TCP1: variants seen among roughly 807,000 people sequenced by gnomAD.
TCP1 encodes the protein t-complex 1, also known as T-complex protein 1 subunit alpha.
In TCP1, 6 loss-of-function variants were observed where a neutral mutation model predicts 54.7. The ratio of observed to expected loss-of-function variants is 0.11; its 90% CI spans 0.06 to 0.22. The LOEUF is 0.22. Among genes scored for constraint, TCP1 ranks in the 10% least tolerant of loss-of-function variants. The probability of loss-of-function intolerance (pLI) is 1.00; values close to 1 mark genes in which losing one functional copy is unlikely to be tolerated. For synonymous variants in TCP1, 225 were observed against 229.7 expected (o/e 0.98, Z 0.19); for missense variants, 511 against 678.2 (o/e 0.75, Z 2.74).
At chr6:159,787,717 GATC>G (rs1167912866) in intron 3 of TCP1, 23 bp downstream of exon 3, 1 of 1,541,496 alleles carries the variant, frequency 6.5e-7, no homozygotes, top group East Asian at 2.4e-5. Context: ...TTAGAAAAAT[GATC>G]ATTCTTTAGC....
chr6:159,779,553 A>G, intron 11 of TCP1, 74 bp downstream of exon 11: 2 of 1,508,576 alleles, frequency 1.3e-6, no homozygotes, highest in South Asian at 1.4e-5. Flanking sequence ...GTTTGCTGAC[A>G]TGTAATTGAC....
chr6:159,782,604 T>C (rs559654089), intron 7 of TCP1, among the ~76,000 whole-genome samples: 3 of 152,292 alleles, frequency 2.0e-5, no homozygotes, highest in Non-Finnish European at 4.4e-5. Context: ...TCTGCCTGTG[T>C]GAAGGACTCC....
At chr6:159,780,154 A>G (rs541091146) in intron 9 of TCP1, 67 bp from the exon 10 acceptor site, 90 of 1,546,298 alleles carry the variant, frequency 5.8e-5, no homozygotes, top group Admixed American at 9.8e-5. Flanking sequence ...CAAGACCATC[A>G]ATTTCTCAAA....
intron 5 of TCP1, chr6:159,785,074 G>C: frequency 1.6e-6 from 1 of 612,540 alleles, no homozygotes; most frequent in Non-Finnish European, 2.9e-6. Flanking sequence ...GAAGGCAACA[G>C]GTAATTTCAA....
intron 6 of TCP1, 67 bp from the exon 7 acceptor site, chr6:159,784,134 T>G (rs558863237): frequency 1.3e-6 from 2 of 1,536,274 alleles, no homozygotes; most frequent in East Asian, 4.6e-5. Context: ...GTACCTATAA[T>G]CGATTGTATG....
chr6:159,779,413 T>C, intron 11 of TCP1, 152 bp from the exon 12 acceptor site: 1 of 962,168 alleles, frequency 1.0e-6, no homozygotes, highest in Non-Finnish European at 1.5e-6. Flanking sequence ...AGGGAGAGAT[T>C]AGCAATCACA....
Position 159,788,155 on chromosome 6 carries a change from CAATT to C in TCP1, c.65-16_65-13del. On this transcript the variant is annotated splice_polypyrimidine_tract_variant and intron_variant, in intron 1 of 11. Transcript: ENST00000321394. The stretch of plus-strand genomic sequence containing the variant: ...AGCTGCAGCCATAACTGTAGACAAT[CAATT>C]AAAAATAAAAAAGAAATGAGGATAA... The C allele has an allele frequency of 6.2e-7, 1 of 1,612,418 alleles. No individual in the cohort carries two copies. Among genetic ancestry groups the C allele is most frequent in the South Asian group, 1.1e-5 (1 of 90,848 alleles).
intron 5 of TCP1, 167 bp downstream of exon 5, chr6:159,785,219 G>GA (rs1246530663): frequency 1.1e-5 from 7 of 632,246 alleles, no homozygotes; most frequent in Non-Finnish European, 1.1e-5. Flanking sequence ...CCACTCCCGA[G>GA]ACAGGGTCTT....
intron 4 of TCP1, 65 bp downstream of exon 4, chr6:159,785,835 G>A (rs978848859): frequency 4.0e-6 from 5 of 1,260,208 alleles, no homozygotes; most frequent in East Asian, 2.3e-5. Context: ...TAATCAAAAC[G>A]TTAAGACAAC....
rs755181203 is a variant in TCP1, at chr6:159,778,753, T to C, written c.*292A>G. On this transcript the variant is annotated 3_prime_UTR_variant, in exon 12 of 12. Coordinates refer to ENST00000321394, the MANE Select transcript of TCP1 (RefSeq NM_030752.3). ...ACCCTGTTACACACACTGGAGAGAATGGGCAGAAGTCGTGGTGTTGCAGCC... is the reference window on the plus strand; with the variant it reads ...ACCCTGTTACACACACTGGAGAGAACGGGCAGAAGTCGTGGTGTTGCAGCC... The C allele has an allele frequency of 2.5e-6, 4 of 1,614,226 alleles. No individual in the cohort carries two copies. Among genetic ancestry groups the C allele is most frequent in the Admixed American group, 3.3e-5 (2 of 60,028 alleles).
intron 3 of TCP1, among the ~76,000 whole-genome samples, chr6:159,786,866 C>T (rs943548282): frequency 1.3e-5 from 2 of 152,116 alleles, no homozygotes; most frequent in Admixed American, 6.5e-5. Context: ...TTTACTGACT[C>T]GGTAAGATCA....
At position 159,778,578 on chromosome 6, in the gene TCP1, T is replaced by A; in HGVS notation, c.*467A>T. The A allele has an allele frequency of 1.4e-6, 2 of 1,477,354 alleles. No individual in the cohort carries two copies. Among genetic ancestry groups the A allele is most frequent in the Non-Finnish European group, 1.9e-6 (2 of 1,077,442 alleles). 91.5% of individuals were successfully genotyped at this position (1,477,354 alleles called of 1,614,324 possible). On this transcript the variant is annotated 3_prime_UTR_variant, in exon 12 of 12. Transcript: ENST00000321394. ...TTTGAAAGGGTAGCATGCTGATACA[T>A]TAAGAGGAAAAAGACAAGTTTAAGA...
In TCP1 at chr6:159,781,115, A is replaced by C; in HGVS notation, c.798-5T>G. 6.3e-7 allele frequency: 1 copy of C among 1,576,820 alleles called. No homozygotes were observed. Among genetic ancestry groups the C allele is most frequent in the Non-Finnish European group, 8.6e-7 (1 of 1,166,626 alleles). Reference sequence around the variant, plus strand: ...TCCTTGGTGATATCTGATTCTCTGCAAAGTATTTTTGTAACCTGAGTTACC... The same window carrying C: ...TCCTTGGTGATATCTGATTCTCTGCCAAGTATTTTTGTAACCTGAGTTACC... On this transcript the variant is annotated splice_polypyrimidine_tract_variant and splice_region_variant and intron_variant, in intron 7 of 11. Coordinates refer to ENST00000321394, the MANE Select transcript of TCP1 (RefSeq NM_030752.3).
chr6:159,788,602 A>G (rs2114999476), intron 1 of TCP1: 1 of 157,848 alleles, frequency 6.3e-6, no homozygotes, highest in African/African-American at 2.4e-5. Flanking sequence ...AAAAAAAGTA[A>G]TAACCACCAA....
chr6:159,785,127 T>A lies in TCP1; in HGVS notation c.488+259A>T, dbSNP rs117383602. On this transcript the variant is annotated intron_variant, in intron 5 of 11. Transcript: ENST00000321394. ...CTATTGATATCAATTTGCATAAAAT[T>A]GGTTATTCAAAATTTTATTGCACAA... is the stretch of plus-strand genomic sequence containing the variant. The A allele has an allele frequency of 4.9e-4, 296 of 600,804 alleles. 2 individuals carry two copies. The East Asian group carries it at 7.1e-3, about 14-fold the overall frequency. The allele number at this position is 600,804 out of a possible 1,614,324, so 37.2% of individuals were successfully genotyped here.
In TCP1 at chr6:159,778,665, A is replaced by G. The variant is rs1429626082; in HGVS notation, c.*380T>C. 1 of 1,614,074 alleles carries G rather than the reference A, an allele frequency of 6.2e-7. No homozygotes were observed. Among genetic ancestry groups the G allele is most frequent in the South Asian group, 1.1e-5 (1 of 91,076 alleles). On this transcript the variant is annotated 3_prime_UTR_variant, in exon 12 of 12. Coordinates refer to ENST00000321394, the MANE Select transcript of TCP1 (RefSeq NM_030752.3). ...ATCTTTTCTCCCCCGTTAGGTCAAT[A>G]TTGAAGGAGGGGCTATAGCCTTGGG...
intron 9 of TCP1, 30 bp from the exon 10 acceptor site, chr6:159,780,117 A>T (rs1372172404): frequency 6.3e-7 from 1 of 1,580,092 alleles, no homozygotes; most frequent in Non-Finnish European, 8.6e-7. Context: ...AATTCTTGTA[A>T]TAGCATTTTT....
rs1028210662 is a variant in TCP1, at chr6:159,778,894, T to G, written c.*151A>C. 9 of 1,602,434 alleles carry G rather than the reference T, an allele frequency of 5.6e-6. No individual in the cohort carries two copies. The African/African-American group carries it at 1.1e-4, about 19-fold the overall frequency. ...TAATAAAGTACTAGGTTGCAATATGTGAAATCAGAGGACCAAAGTACAGAT... is the reference window on the plus strand; with the variant it reads ...TAATAAAGTACTAGGTTGCAATATGGGAAATCAGAGGACCAAAGTACAGAT... On this transcript the variant is annotated 3_prime_UTR_variant, in exon 12 of 12. Coordinates refer to ENST00000321394, the MANE Select transcript of TCP1 (RefSeq NM_030752.3).
At chr6:159,781,341 G>T (rs1435118854) in intron 7 of TCP1, among the ~76,000 whole-genome samples, 2 of 152,178 alleles carry the variant, frequency 1.3e-5, no homozygotes, top group Non-Finnish European at 2.9e-5. Flanking sequence ...TGGTTAAACA[G>T]GGAACACAGG....
Sources: allele counts gnomAD v4.1 joint callset (sites outside exome capture counted in the v4.1 genomes callset), GRCh38; gene constraint gnomAD v4.1.1; transcripts MANE v1.5; gene names NCBI Gene and HGNC (gene_info 2026-07-23, HGNC 2026-07-21).